Variants in STX18 observed in about 807,000 individuals in gnomAD.
STX18 encodes the protein syntaxin 18.
STX18 carries 40 observed loss-of-function variants against 50.1 expected under a neutral mutation model. The ratio of observed to expected loss-of-function variants is 0.80; its 90% CI spans 0.62 to 1.04. The LOEUF (loss-of-function observed/expected upper bound fraction) is 1.04, where lower values mean the gene tolerates loss of function less well. Among genes scored for constraint, STX18 ranks in the 50% least tolerant of loss-of-function variants. The pLI, the probability that STX18 is intolerant of heterozygous loss-of-function variation, is 0.00. For missense variants in STX18, 410 were observed against 415.8 expected (o/e 0.99, Z 0.12); for synonymous variants, 158 against 151.8 (o/e 1.04, Z -0.30).
chr4:4,507,153 C>T, intron 1 of STX18: 1 of 562,860 alleles, frequency 1.8e-6, no homozygotes, highest in Non-Finnish European at 3.4e-6. Flanking sequence ...ATGCTAGCAA[C>T]ACAGTACAAG....
At chr4:4,466,078 T>C (rs1727605879) in intron 2 of STX18, among the ~76,000 whole-genome samples, 1 of 152,178 alleles carries the variant, frequency 6.6e-6, no homozygotes, top group Non-Finnish European at 1.5e-5. Flanking sequence ...ACGAACAAAT[T>C]ACTCTTCTAC....
At chr4:4,421,609 C>T (rs529365147) in intron 9 of STX18, among the ~76,000 whole-genome samples, 2 of 152,286 alleles carry the variant, frequency 1.3e-5, no homozygotes, top group East Asian at 3.9e-4. Flanking sequence ...CCCTCCTGCG[C>T]CACTCGCCGG....
At chr4:4,463,230 C>A (rs541304534) in intron 2 of STX18, among the ~76,000 whole-genome samples, 2 of 152,180 alleles carry the variant, frequency 1.3e-5, no homozygotes, top group Non-Finnish European at 2.9e-5. Flanking sequence ...AGCTACTCAA[C>A]TCTGCTGTTG....
At chr4:4,425,057 G>A (rs190919923) in intron 8 of STX18, 107 bp downstream of exon 8, 13 of 1,042,414 alleles carry the variant, frequency 1.2e-5, no homozygotes, top group Non-Finnish European at 1.9e-5. Flanking sequence ...GGCTGCACCA[G>A]CCCAAGGGCC....
At chr4:4,491,541 C>T (rs569476308) in intron 1 of STX18, among the ~76,000 whole-genome samples, 3 of 152,132 alleles carry the variant, frequency 2.0e-5, no homozygotes, top group African/African-American at 7.2e-5. Context: ...GAACAATTTA[C>T]CAGTTAACAT....
intron 9 of STX18, among the ~76,000 whole-genome samples, chr4:4,421,424 A>T (rs1260932785): frequency 6.6e-6 from 1 of 151,806 alleles, no homozygotes; most frequent in East Asian, 1.9e-4. Flanking sequence ...CTAAATTTTT[A>T]AAATTTTTTG....
rs370358458 is a variant in STX18, at chr4:4,425,144, C to T, written c.761+20G>A. 5 of 1,606,812 alleles carry T rather than the reference C, an allele frequency of 3.1e-6. No individual in the cohort carries two copies. Among genetic ancestry groups the T allele is most frequent in the Non-Finnish European group, 3.4e-6 (4 of 1,173,414 alleles). On this transcript the variant is annotated intron_variant, in intron 8 of 10. Coordinates refer to ENST00000306200, the MANE Select transcript of STX18 (RefSeq NM_016930.4). The stretch of plus-strand genomic sequence containing the variant: ...AGTTGTAAAGCAGGCTATCAGCTCA[C>T]AGAGGAGCTACAAACATACCTCACT...
chr4:4,419,342 G>GTCTT lies in STX18; in HGVS notation c.*688_*691dup, dbSNP rs1445246506. 3 of 151,652 alleles carry GTCTT rather than the reference G, an allele frequency of 2.0e-5. No homozygotes were observed. Among genetic ancestry groups the GTCTT allele is most frequent in the South Asian group, 2.1e-4 (1 of 4,800 alleles). 9.4% of individuals were successfully genotyped at this position (151,652 alleles called of 1,614,324 possible). A position where few individuals can be genotyped will look rare whatever the true frequency, so the allele number is the denominator to read the frequency against. ...CCCCCTGCCTGTTCTGGGGGCAGCA[G>GTCTT]TCTTTGGAGGAGTAATGCCAGGCAG... On this transcript the variant is annotated 3_prime_UTR_variant, in exon 11 of 11. Coordinates refer to ENST00000306200, the MANE Select transcript of STX18 (RefSeq NM_016930.4).
chr4:4,509,378 T>G (rs762243785), intron 1 of STX18, among the ~76,000 whole-genome samples: 7 of 152,220 alleles, frequency 4.6e-5, no homozygotes, highest in Non-Finnish European at 1.0e-4. Flanking sequence ...AAGTGTCTGT[T>G]CATGTCCTTT....
chr4:4,504,853 G>A (rs956307274), intron 1 of STX18, among the ~76,000 whole-genome samples: 1 of 152,054 alleles, frequency 6.6e-6, no homozygotes, highest in African/African-American at 2.4e-5. Context: ...CATTGTTGGT[G>A]GGAGCACAAA....
intron 1 of STX18, among the ~76,000 whole-genome samples, chr4:4,517,095 G>A (rs1730302827): frequency 1.3e-5 from 2 of 152,098 alleles, no homozygotes; most frequent in African/African-American, 4.8e-5. Flanking sequence ...ATTTGGTCAC[G>A]GGAGCTCCCG....
At chr4:4,530,122 AT>A (rs1731026953) in intron 1 of STX18, among the ~76,000 whole-genome samples, 1 of 152,182 alleles carries the variant, frequency 6.6e-6, no homozygotes, top group Non-Finnish European at 1.5e-5. Context: ...ATAAAAACTC[AT>A]CTGCCAGGAG....
chr4:4,446,455 C>A (rs1030509708), intron 5 of STX18, among the ~76,000 whole-genome samples: 4 of 152,160 alleles, frequency 2.6e-5, no homozygotes, highest in African/African-American at 9.7e-5. Context: ...AACTCCTATA[C>A]AAATCAACAG....
Position 4,471,721 on chromosome 4 carries a change from G to T in STX18, c.169-15C>A, listed in dbSNP as rs1439930329. ...ATGTGAGAAATCTAAAATTAAAAAA[G>T]AAAGCCAACAGTTTATATAGATATG... is the stretch of plus-strand genomic sequence containing the variant. On this transcript the variant is annotated splice_polypyrimidine_tract_variant and intron_variant, in intron 1 of 10. Coordinates refer to ENST00000306200, the MANE Select transcript of STX18 (RefSeq NM_016930.4). 1 of 1,557,126 alleles carries T rather than the reference G, an allele frequency of 6.4e-7. No homozygotes were observed. Among genetic ancestry groups the T allele is most frequent in the Non-Finnish European group, 8.7e-7 (1 of 1,152,672 alleles).
At chr4:4,426,503 T>TTCA (rs2108774219) in intron 7 of STX18, 1 of 152,292 alleles carries the variant, frequency 6.6e-6, no homozygotes, top group Admixed American at 6.5e-5. Flanking sequence ...ATGCTGGCAC[T>TTCA]TCATTCAACA....
At chr4:4,433,534 TAAAAAAA>T (rs10676475) in intron 7 of STX18, among the ~76,000 whole-genome samples, 2 of 111,074 alleles carry the variant, frequency 1.8e-5, no homozygotes, top group African/African-American at 6.4e-5. Context: ...AAAAATAAAT[TAAAAAAA>T]AAAAAAAAAA....
chr4:4,528,350 T>TC (rs1267926146), intron 1 of STX18, among the ~76,000 whole-genome samples: 1 of 152,092 alleles, frequency 6.6e-6, no homozygotes, highest in Non-Finnish European at 1.5e-5. Context: ...CTTAGCGCTG[T>TC]CCCCTTGGTG....
At chr4:4,453,530 T>C (rs1290451896) in intron 5 of STX18, 2 of 207,908 alleles carry the variant, frequency 9.6e-6, no homozygotes, top group African/African-American at 2.4e-5. Context: ...CTTTATAGTA[T>C]AAACATAGCT....
chr4:4,493,735 G>A (rs763061887), intron 1 of STX18, among the ~76,000 whole-genome samples: 6 of 152,230 alleles, frequency 3.9e-5, no homozygotes, highest in East Asian at 1.9e-4. Context: ...TAAAATAAGC[G>A]CAAAGCATAA....
Sources: allele counts gnomAD v4.1 joint callset (sites outside exome capture counted in the v4.1 genomes callset), GRCh38; gene constraint gnomAD v4.1.1; transcripts MANE v1.5; gene names NCBI Gene and HGNC (gene_info 2026-07-23, HGNC 2026-07-21).